The following BCL11A variants were observed in gnomAD, a reference collection of about 807,000 sequenced individuals.
The protein encoded by BCL11A is B cell CLL/lymphoma 11A.
In BCL11A, 2 loss-of-function variants were observed where a neutral mutation model predicts 55.9. The ratio of observed to expected loss-of-function variants is 0.04; its 90% CI spans 0.01 to 0.11. The LOEUF (loss-of-function observed/expected upper bound fraction) is 0.11, where lower values mean the gene tolerates loss of function less well. BCL11A is among the 10% of genes least tolerant of loss of function. BCL11A has a pLI of 1.00. For synonymous variants in BCL11A, 465 were observed against 473.4 expected (o/e 0.98, Z 0.23); for missense variants, 817 against 1,137.1 (o/e 0.72, Z 4.05).
At chr2:60,515,253 G>T (rs1371139338) in intron 2 of BCL11A, among the ~76,000 whole-genome samples, 1 of 152,196 alleles carries the variant, frequency 6.6e-6, no homozygotes, top group Non-Finnish European at 1.5e-5. Flanking sequence ...TTTCTCCCCA[G>T]GGAGGAAGGG....
intron 3 of BCL11A, among the ~76,000 whole-genome samples, chr2:60,464,257 G>T (rs1676478202): frequency 1.3e-5 from 2 of 152,178 alleles, no homozygotes; most frequent in South Asian, 4.1e-4. Context: ...AAGGCAGAAA[G>T]ATTTTGAAAG....
At chr2:60,455,598 CATTTG>C (rs1487778611), downstream of BCL11A, among the ~76,000 whole-genome samples, 3 of 152,318 alleles carry the variant, frequency 2.0e-5, no homozygotes, top group South Asian at 2.1e-4. Flanking sequence ...CCCCATTCCC[CATTTG>C]ATTTAAGAAA....
intron 3 of BCL11A, among the ~76,000 whole-genome samples, chr2:60,468,049 A>AGTGATAATGGTGGTGGTGGTGGTG (rs1676970365): frequency 1.3e-5 from 1 of 76,964 alleles, no homozygotes; most frequent in Non-Finnish European, 2.6e-5. Context: ...TGGTGATGGT[A>AGTGATAATGGTGGTGGTGGTGGTG]CTGGTGGTGA....
chr2:60,519,672 C>T (rs1302059240), intron 2 of BCL11A, among the ~76,000 whole-genome samples: 1 of 152,112 alleles, frequency 6.6e-6, no homozygotes, highest in East Asian at 1.9e-4. Context: ...AGGCTGGAAC[C>T]ACTGGAATCT....
At chr2:60,537,404 G>A (rs948225534) in intron 2 of BCL11A, 41 of 152,208 alleles carry the variant, frequency 2.7e-4, no homozygotes, top group African/African-American at 9.7e-4. Context: ...AGTTAAAATG[G>A]GGAGTAAATG....
intron 2 of BCL11A, chr2:60,545,610 A>G (rs1173712130): frequency 4.6e-6 from 1 of 215,820 alleles, no homozygotes; most frequent in Non-Finnish European, 9.4e-6. Context: ...TGCCTCTGAC[A>G]CGTCACCAAG....
chr2:60,466,262 C>T (rs191198972), intron 3 of BCL11A, among the ~76,000 whole-genome samples: 1 of 152,010 alleles, frequency 6.6e-6, no homozygotes, highest in Non-Finnish European at 1.5e-5. Context: ...GTTTCCCTGG[C>T]AACAGCCCTT....
chr2:60,482,932 C>T (rs1305786387), intron 2 of BCL11A, among the ~76,000 whole-genome samples: 3 of 152,224 alleles, frequency 2.0e-5, no homozygotes, highest in Non-Finnish European at 2.9e-5. Flanking sequence ...AGAGTCCCCA[C>T]TGAAACAAAT....
Position 60,546,447 on chromosome 2 carries a change from C to T in BCL11A, c.56-147G>A. On this transcript the variant is annotated intron_variant, in intron 1 of 3. Transcript: ENST00000642384. This position sits in a 1 kb window ranked among gnomAD's most constrained non-coding sequence, Gnocchi z 4.1. ...ATAATACCCAGAAAATGTGAGCATA[C>T]AAAAAGTACAAGGATGTGAAGGTTA... The T allele has an allele frequency of 4.3e-6, 3 of 696,408 alleles. No homozygotes were observed. Among genetic ancestry groups the T allele is most frequent in the Non-Finnish European group, 4.7e-6 (2 of 421,608 alleles). The allele number at this position is 696,408 out of a possible 1,614,324, so 43.1% of individuals were successfully genotyped here. A position where few individuals can be genotyped will look rare whatever the true frequency, so the allele number is the denominator to read the frequency against.
downstream of BCL11A, chr2:60,452,519 G>A (rs201606127): frequency 1.6e-5 from 22 of 1,391,204 alleles, no homozygotes; most frequent in African/African-American, 2.8e-5. Flanking sequence ...GACAGACCAC[G>A]CTGACGTCGA....
intron 2 of BCL11A, among the ~76,000 whole-genome samples, chr2:60,489,508 CT>C (rs1018907413): frequency 6.6e-6 from 1 of 152,218 alleles, no homozygotes; most frequent in Non-Finnish European, 1.5e-5. Context: ...AACAGCCACA[CT>C]GTGTGCCAAG....
intron 2 of BCL11A, among the ~76,000 whole-genome samples, chr2:60,514,119 G>A (rs1668615967): frequency 6.6e-6 from 1 of 152,218 alleles, no homozygotes; most frequent in African/African-American, 2.4e-5. Context: ...AGCACGTGCA[G>A]CTAGCAGTGC....
chr2:60,461,169 GT>G lies in BCL11A; in HGVS notation c.1742del (p.His581ProfsTer17). 6.2e-7 allele frequency: 1 copy of G among 1,612,636 alleles called. No homozygotes were observed. Among genetic ancestry groups the G allele is most frequent in the Non-Finnish European group, 8.5e-7 (1 of 1,179,836 alleles). ...CCGAGTCTTCGTCGCAAGTGTCCCT[GT>G]GGCCCTCGGCCTCGGCCAGGTGGCC... is the stretch of plus-strand genomic sequence containing the variant. ...KRGHLAEAEGHRDTCDEDSVA... is the reference protein window; with the variant it reads ...KRGHLAEAEGXRDTCDEDSVA... On this transcript the variant is annotated frameshift_variant, in exon 4 of 4. Transcript: ENST00000642384. LOFTEE classifies it high-confidence loss of function.
intron 2 of BCL11A, chr2:60,537,524 T>C (rs1010542534): frequency 6.6e-6 from 1 of 152,254 alleles, no homozygotes; most frequent in Non-Finnish European, 1.5e-5. Flanking sequence ...TTTTGAGGTT[T>C]GTTTTTGTTT....
At chr2:60,541,455 T>C (rs1669923669) in intron 2 of BCL11A, among the ~76,000 whole-genome samples, 1 of 152,200 alleles carries the variant, frequency 6.6e-6, no homozygotes, top group South Asian at 2.1e-4. Context: ...GGCTCAATCA[T>C]GCAATCACTG....
At chr2:60,515,016 C>T (rs141945726) in intron 2 of BCL11A, among the ~76,000 whole-genome samples, 1 of 152,324 alleles carries the variant, frequency 6.6e-6, no homozygotes, top group African/African-American at 2.4e-5. Context: ...GAGACAGGCT[C>T]TAGCTTGTTT....
intron 2 of BCL11A, chr2:60,541,838 A>G: frequency 1.6e-6 from 1 of 633,922 alleles, no homozygotes; most frequent in Non-Finnish European, 2.8e-6. Context: ...AAAGAAAAAT[A>G]AGTAGTCATA....
chr2:60,454,546 C>CACAGAGTTACA (rs1282921391), downstream of BCL11A, among the ~76,000 whole-genome samples: 1 of 152,036 alleles, frequency 6.6e-6, no homozygotes, highest in African/African-American at 2.4e-5. Flanking sequence ...TAATGAGGAA[C>CACAGAGTTACA]ACACAGTTAC....
At chr2:60,451,622 G>C (rs1572937673) in exon 5 of BCL11A, 1 of 230,706 alleles carries the variant, frequency 4.3e-6, no homozygotes, top group East Asian at 6.2e-5. Context: ...TTTTATGTTT[G>C]TTTGTCTGCA....
Sources: allele counts gnomAD v4.1 joint callset (sites outside exome capture counted in the v4.1 genomes callset), GRCh38; gene constraint gnomAD v4.1.1; non-coding constraint Gnocchi (gnomAD v3.1); transcripts MANE v1.5; gene names NCBI Gene and HGNC (gene_info 2026-07-23, HGNC 2026-07-21).